Variants in PAK1 observed in about 807,000 individuals in gnomAD.
The protein encoded by PAK1 is p21 (RAC1) activated kinase 1.
In PAK1, 29 loss-of-function variants were observed where a neutral mutation model predicts 67.4. That is an observed-to-expected ratio of 0.43 (90% CI 0.32 to 0.59). The LOEUF (loss-of-function observed/expected upper bound fraction) is 0.59. Ranked by LOEUF, PAK1 falls within the 20% of genes least tolerant of loss-of-function variation. The probability of loss-of-function intolerance (pLI) is 0.07; values close to 1 mark genes in which losing one functional copy is unlikely to be tolerated. For missense variants in PAK1, 337 were observed against 670.7 expected, an observed-to-expected ratio of 0.50 and a Z score of 5.50; for synonymous variants, 223 against 237.4, an observed-to-expected ratio of 0.94 and a Z score of 0.56.
upstream of PAK1, chr11:77,476,664 C>A (rs947393830): frequency 5.9e-5 from 9 of 152,168 alleles, no homozygotes; most frequent in African/African-American, 2.2e-4. Context: ...TTTAGGACTT[C>A]TGAACTACAG....
At chr11:77,365,785 A>G (rs564291853) in intron 5 of PAK1, among the ~76,000 whole-genome samples, 1 of 152,062 alleles carries the variant, frequency 6.6e-6, no homozygotes. Context: ...GTGAACCAAG[A>G]TCGCACCACT....
intron 1 of PAK1, among the ~76,000 whole-genome samples, chr11:77,404,606 G>A (rs2137809168): frequency 6.6e-6 from 1 of 152,258 alleles, no homozygotes; most frequent in Non-Finnish European, 1.5e-5. Flanking sequence ...AATCTTGGCA[G>A]AAGAACTACA....
At chr11:77,479,885 G>A in the PAK1 span, among the ~76,000 whole-genome samples, 1 of 152,072 alleles carries the variant, frequency 6.6e-6, no homozygotes, top group Admixed American at 6.6e-5. Flanking sequence ...TGGGATTACA[G>A]GCATCAACCA....
intron 1 of PAK1, among the ~76,000 whole-genome samples, chr11:77,459,690 C>CTTCTTCT (rs1555174232): frequency 1.3e-4 from 17 of 134,546 alleles, no homozygotes; most frequent in Admixed American, 4.5e-4. Flanking sequence ...TCTTCTTCTT[C>CTTCTTCT]TTTTTTTTTT....
At chr11:77,493,765 T>C in the PAK1 span, among the ~76,000 whole-genome samples, 1 of 152,154 alleles carries the variant, frequency 6.6e-6, no homozygotes, top group African/African-American at 2.4e-5. Flanking sequence ...ACTCTCTCCT[T>C]TTCACAAGTA....
At chr11:77,474,215 C>CGCGGCG (rs547403363), upstream of PAK1, 7 of 151,276 alleles carry the variant, frequency 4.6e-5, no homozygotes, top group South Asian at 2.1e-4. Context: ...CCCTCCCCGG[C>CGCGGCG]GCGGCGGCGG....
chr11:77,467,399 G>A (rs1043867521), intron 1 of PAK1, among the ~76,000 whole-genome samples: 3 of 152,184 alleles, frequency 2.0e-5, no homozygotes, highest in African/African-American at 7.2e-5. Flanking sequence ...CAAGGGTAGA[G>A]GCTATGATTC....
chr11:77,391,983 A>G (rs1478296894), intron 2 of PAK1, among the ~76,000 whole-genome samples: 1 of 152,212 alleles, frequency 6.6e-6, no homozygotes, highest in Non-Finnish European at 1.5e-5. Flanking sequence ...AATTGAAACT[A>G]ACTCGGGGGG....
the PAK1 span, among the ~76,000 whole-genome samples, chr11:77,529,758 T>C: frequency 6.6e-6 from 1 of 152,120 alleles, no homozygotes; most frequent in African/African-American, 2.4e-5. Flanking sequence ...GGGGAGGGCA[T>C]TCCAAGAAAA....
the PAK1 span, among the ~76,000 whole-genome samples, chr11:77,504,414 T>C: frequency 6.6e-6 from 1 of 152,320 alleles, no homozygotes; most frequent in Admixed American, 6.5e-5. Flanking sequence ...GTGTGTTCTT[T>C]GGGTTGAAGT....
At chr11:77,326,649 C>T (rs1939960673) in intron 14 of PAK1, among the ~76,000 whole-genome samples, 6 of 152,290 alleles carry the variant, frequency 3.9e-5, no homozygotes, top group Non-Finnish European at 1.5e-5. Context: ...TTGCGCCATG[C>T]ACTCCAGCCT....
chr11:77,441,163 C>T (rs1956339212), intron 1 of PAK1, among the ~76,000 whole-genome samples: 1 of 151,848 alleles, frequency 6.6e-6, no homozygotes, highest in Non-Finnish European at 1.5e-5. Flanking sequence ...ACAGGAGATG[C>T]AGCCATCGGT....
chr11:77,387,624 A>G (rs955674936), intron 2 of PAK1, among the ~76,000 whole-genome samples: 4 of 152,166 alleles, frequency 2.6e-5, no homozygotes, highest in Non-Finnish European at 4.4e-5. Flanking sequence ...TAAAAAACAA[A>G]CCTCCTATTT....
chr11:77,458,647 G>T (rs1957182779), intron 1 of PAK1, among the ~76,000 whole-genome samples: 1 of 152,140 alleles, frequency 6.6e-6, no homozygotes, highest in Admixed American at 6.5e-5. Flanking sequence ...GACAAAGAGG[G>T]GTGAATGTAC....
At chr11:77,485,498 A>G in the PAK1 span, among the ~76,000 whole-genome samples, 57 of 152,192 alleles carry the variant, frequency 3.7e-4, no homozygotes, top group Non-Finnish European at 1.6e-4. Context: ...TTTTTGAGAC[A>G]AAGTTTCACA....
chr11:77,448,776 TG>T (rs1956726875), intron 1 of PAK1, among the ~76,000 whole-genome samples: 1 of 152,206 alleles, frequency 6.6e-6, no homozygotes, highest in African/African-American at 2.4e-5. Flanking sequence ...GGACTACCCA[TG>T]GGAAGTTTTT....
intron 1 of PAK1, among the ~76,000 whole-genome samples, chr11:77,401,509 A>G (rs1170000854): frequency 1.3e-5 from 2 of 152,210 alleles, no homozygotes; most frequent in Non-Finnish European, 1.5e-5. Flanking sequence ...AAAAGCACCT[A>G]GCATGCTGCC....
At chr11:77,487,606 T>C in the PAK1 span, among the ~76,000 whole-genome samples, 2 of 151,900 alleles carry the variant, frequency 1.3e-5, no homozygotes, top group Admixed American at 1.3e-4. Flanking sequence ...TCACCACAAG[T>C]TGACTGAAGA....
At chr11:77,501,453 G>T in the PAK1 span, among the ~76,000 whole-genome samples, 1 of 151,964 alleles carries the variant, frequency 6.6e-6, no homozygotes, top group Non-Finnish European at 1.5e-5. Context: ...CACTGAATTC[G>T]ACCCCTCTTC....
Sources: allele counts gnomAD v4.1 joint callset (sites outside exome capture counted in the v4.1 genomes callset), GRCh38; gene constraint gnomAD v4.1.1; transcripts MANE v1.5; gene names NCBI Gene and HGNC (gene_info 2026-07-23, HGNC 2026-07-21).